Variants in ZMYM2 observed in about 807,000 individuals in gnomAD.
ZMYM2 encodes the protein zinc finger MYM-type protein 2.
ZMYM2 carries 56 observed loss-of-function variants against 162.8 expected under a neutral mutation model. The observed-to-expected ratio is 0.34, with a 90% confidence interval of 0.28 to 0.43. The LOEUF (loss-of-function observed/expected upper bound fraction) is 0.43, where lower values mean the gene tolerates loss of function less well. Among genes scored for constraint, ZMYM2 ranks in the 20% least tolerant of loss-of-function variants. The pLI is 1.00. For missense variants in ZMYM2, 1,275 were observed against 1,621.8 expected (o/e 0.79, Z 3.67); for synonymous variants, 510 against 541.6 (o/e 0.94, Z 0.81).
chr13:19,876,350 T>G, the ZMYM2 span, among the ~76,000 whole-genome samples: 3 of 144,414 alleles, frequency 2.1e-5, no homozygotes, highest in Non-Finnish European at 4.5e-5. Flanking sequence ...TGAGATGGAG[T>G]CTCCCTCTGT....
chr13:19,968,971 T>C (rs1372097524), intron 2 of ZMYM2, among the ~76,000 whole-genome samples: 1 of 152,188 alleles, frequency 6.6e-6, no homozygotes, highest in Non-Finnish European at 1.5e-5. Flanking sequence ...TATATGCATA[T>C]CACAAAGGAC....
chr13:19,941,707 A>G, the ZMYM2 span, among the ~76,000 whole-genome samples: 1 of 147,794 alleles, frequency 6.8e-6, no homozygotes, highest in South Asian at 2.1e-4. Context: ...AACTCCGGGC[A>G]AATGGCTTTC....
intron 2 of ZMYM2, among the ~76,000 whole-genome samples, chr13:19,990,561 C>T (rs1363389935): frequency 1.3e-5 from 2 of 152,104 alleles, no homozygotes; most frequent in Non-Finnish European, 1.5e-5. Context: ...TTCTGTTATT[C>T]TGTTTAAAAG....
chr13:19,971,977 G>A (rs963659959), intron 2 of ZMYM2, among the ~76,000 whole-genome samples: 6 of 152,072 alleles, frequency 3.9e-5, no homozygotes, highest in Non-Finnish European at 8.8e-5. Flanking sequence ...TAAATCATGG[G>A]AATGGATGAG....
the ZMYM2 span, among the ~76,000 whole-genome samples, chr13:19,878,166 C>T: frequency 3.3e-5 from 5 of 151,878 alleles, no homozygotes; most frequent in East Asian, 3.9e-4. Flanking sequence ...GATTCTCCTG[C>T]GTCAGCTGCC....
chr13:19,875,654 T>C, the ZMYM2 span, among the ~76,000 whole-genome samples: 38 of 130,734 alleles, frequency 2.9e-4, no homozygotes, highest in Non-Finnish European at 5.5e-4. Flanking sequence ...AAAAAAAAAT[T>C]ATGTTATTGT....
the ZMYM2 span, among the ~76,000 whole-genome samples, chr13:19,883,245 G>T: frequency 6.6e-6 from 1 of 152,246 alleles, no homozygotes; most frequent in African/African-American, 2.4e-5. Context: ...GGGTGGAAAA[G>T]TGAAGAATGG....
chr13:19,970,942 G>C (rs1206372647), intron 2 of ZMYM2, among the ~76,000 whole-genome samples: 1 of 150,556 alleles, frequency 6.6e-6, no homozygotes, highest in Non-Finnish European at 1.5e-5. Flanking sequence ...GCAGAGAATA[G>C]ACGGAAGCGT....
chr13:20,017,791 C>T (rs1187245950), intron 6 of ZMYM2, among the ~76,000 whole-genome samples: 1 of 151,930 alleles, frequency 6.6e-6, no homozygotes, highest in African/African-American at 2.4e-5. Context: ...TCTGTGTTTT[C>T]ATTTGTTTTT....
the ZMYM2 span, among the ~76,000 whole-genome samples, chr13:19,923,548 G>A: frequency 6.7e-6 from 1 of 149,328 alleles, no homozygotes; most frequent in Admixed American, 6.7e-5. Context: ...TATAAGAGAC[G>A]GGGTTTCCCT....
intron 22 of ZMYM2, among the ~76,000 whole-genome samples, chr13:20,082,417 TAAACC>T (rs1295252871): frequency 6.6e-6 from 1 of 152,180 alleles, no homozygotes; most frequent in Non-Finnish European, 1.5e-5. Context: ...AAATTTCTCT[TAAACC>T]ACTGTTTTCA....
intron 18 of ZMYM2, among the ~76,000 whole-genome samples, chr13:20,064,205 G>A (rs758039028): frequency 1.3e-5 from 2 of 151,738 alleles, no homozygotes; most frequent in Admixed American, 6.6e-5. Context: ...AATTTTTCTG[G>A]TATCATACAT....
At chr13:20,059,341 A>AAG in intron 15 of ZMYM2, 106 bp from the exon 16 acceptor site, 1 of 1,242,170 alleles carries the variant, frequency 8.1e-7, no homozygotes, top group Non-Finnish European at 1.1e-6. Context: ...AAAAAAAAAA[A>AAG]GGTACTGAGG....
At chr13:20,049,341 G>A (rs1955103027) in intron 12 of ZMYM2, among the ~76,000 whole-genome samples, 2 of 151,986 alleles carry the variant, frequency 1.3e-5, no homozygotes, top group Non-Finnish European at 2.9e-5. Flanking sequence ...AAAACCAAGT[G>A]TCTAATTGTA....
chr13:20,062,820 C>G, intron 17 of ZMYM2, 26 bp from the exon 18 acceptor site: 5 of 1,515,080 alleles, frequency 3.3e-6, no homozygotes, highest in Non-Finnish European at 4.4e-6. Context: ...GTTTTGATTC[C>G]TAATGATAAT....
At chr13:19,922,493 A>G in the ZMYM2 span, among the ~76,000 whole-genome samples, 1 of 152,260 alleles carries the variant, frequency 6.6e-6, no homozygotes, top group South Asian at 2.1e-4. Context: ...TGGGATTCAC[A>G]TTCCTCAGAT....
intron 6 of ZMYM2, among the ~76,000 whole-genome samples, chr13:20,007,471 A>G (rs1205139643): frequency 1.3e-5 from 2 of 151,716 alleles, no homozygotes; most frequent in Non-Finnish European, 2.9e-5. Context: ...TTTGATTTCT[A>G]GTTTTATTCC....
intron 6 of ZMYM2, among the ~76,000 whole-genome samples, chr13:20,016,208 AC>A (rs1306087285): frequency 4.6e-5 from 7 of 151,956 alleles, no homozygotes; most frequent in African/African-American, 1.7e-4. Context: ...GGGAGGCTTT[AC>A]ATATAACATC....
chr13:20,087,602 A>C lies in ZMYM2; in HGVS notation c.*1588A>C. ...CACAAAAGAAATTTTCTCAATTCTG[A>C]TTTGGAAAATTTCACAGGTGTCATT... is the stretch of plus-strand genomic sequence containing the variant. On this transcript the variant is annotated 3_prime_UTR_variant, in exon 25 of 25. Transcript: ENST00000610343. The C allele has an allele frequency of 5.4e-6, 1 of 184,946 alleles. No individual in the cohort carries two copies. 11.5% of individuals were successfully genotyped at this position (184,946 alleles called of 1,614,324 possible). A position where few individuals can be genotyped will look rare whatever the true frequency, so the allele number is the denominator to read the frequency against.
Sources: allele counts gnomAD v4.1 joint callset (sites outside exome capture counted in the v4.1 genomes callset), GRCh38; gene constraint gnomAD v4.1.1; transcripts MANE v1.5; gene names NCBI Gene and HGNC (gene_info 2026-07-23, HGNC 2026-07-21).